Variants in TPSD1 observed in about 807,000 individuals in gnomAD.
The protein encoded by TPSD1 is tryptase delta.
Under a neutral mutation model 25.4 loss-of-function variants are expected in TPSD1, and 30 were observed. The ratio of observed to expected loss-of-function variants is 1.18; its 90% confidence interval spans 0.88 to 1.60. The LOEUF is 1.60. TPSD1 is among the 40% of genes most tolerant of loss of function. TPSD1 has a pLI of 0.00. For missense variants in TPSD1, 420 were observed against 324.2 expected, an observed-to-expected ratio of 1.30 and a Z score of -2.27; for synonymous variants, 176 against 149.4, an observed-to-expected ratio of 1.18 and a Z score of -1.30.
Position 1,256,930 on chromosome 16 carries a change from G to A in TPSD1, c.388G>A (p.Ala130Thr), listed in dbSNP as rs1278783845. ...CATCATCCAGACCGGGGCGGACATCGCCCTGCTGGAGCTGGAGGAGCCCGT... is the reference window on the plus strand; with the variant it reads ...CATCATCCAGACCGGGGCGGACATCACCCTGCTGGAGCTGGAGGAGCCCGT... ...FYIIQTGADI[A>T]LLELEEPVNI... Residue 130 changes from alanine (A) to threonine (T), a missense_variant, in exon 3 of 5, where the codon GCC becomes ACC. Transcript: ENST00000211076. 7 of 1,613,912 alleles carry A rather than the reference G, an allele frequency of 4.3e-6. No individual in the cohort carries two copies. Among genetic ancestry groups the A allele is most frequent in the African/African-American group, 2.7e-5 (2 of 75,070 alleles).
rs1200762126 is a variant in TPSD1 at position 1,257,079 on chromosome 16, G to C, written c.520+17G>C. 5 of 1,583,508 alleles carry C rather than the reference G, an allele frequency of 3.2e-6. No individual in the cohort carries two copies. Among genetic ancestry groups the C allele is most frequent in the African/African-American group, 1.3e-5 (1 of 74,534 alleles). On this transcript the variant is annotated intron_variant, in intron 3 of 4. Coordinates refer to ENST00000211076, the MANE Select transcript of TPSD1 (RefSeq NM_012217.3). The stretch of plus-strand genomic sequence containing the variant: ...ACAATAATGGTGGGTGTTGGGGACA[G>C]CGGGAGGCCGGGCCAGGTGGGCACC...
intron 3 of TPSD1, 196 bp from the exon 4 acceptor site, chr16:1,257,863 A>T (rs1025968951): frequency 3.1e-6 from 2 of 645,822 alleles, no homozygotes; most frequent in African/African-American, 1.8e-5. Flanking sequence ...GATGGGGCTT[A>T]AATGAGGCCA....
At position 1,258,042 on chromosome 16, in the gene TPSD1, C is replaced by G. The variant is rs778229136; in HGVS notation, c.521-17C>G. 1 of 1,561,372 alleles carries G rather than the reference C, an allele frequency of 6.4e-7. No homozygotes were observed. The highest frequency in any genetic ancestry group is 8.7e-7 in the Non-Finnish European group (1 of 1,153,804). Reference sequence around the variant, plus strand: ...AGCCGGCCCCAGACCCGGCTCCACGCCCCCCTCCGCCCCCAGTGCACCTGC... The same window carrying G: ...AGCCGGCCCCAGACCCGGCTCCACGGCCCCCTCCGCCCCCAGTGCACCTGC... On this transcript the variant is annotated splice_polypyrimidine_tract_variant and intron_variant, in intron 3 of 4. Coordinates refer to ENST00000211076, the MANE Select transcript of TPSD1 (RefSeq NM_012217.3).
chr16:1,257,626 T>C (rs2031003464), intron 3 of TPSD1, among the ~76,000 whole-genome samples: 1 of 152,220 alleles, frequency 6.6e-6, no homozygotes, highest in East Asian at 1.9e-4. Context: ...CTGTGACCTC[T>C]GGGTCACTCA....
rs2031010383 is a variant in TPSD1 at position 1,257,976 on chromosome 16, C to G, written c.521-83C>G. 2.1e-6 allele frequency: 3 copies of G among 1,441,226 alleles called. No homozygotes were observed. In the South Asian group the frequency reaches 3.9e-5, roughly 19 times the overall value. 89.3% of individuals were successfully genotyped at this position (1,441,226 alleles called of 1,614,324 possible). ...GCACTGGGCCCATGGTGCCATCTCC[C>G]CTGCCCGTGACTCTGCCACCAAGTC... On this transcript the variant is annotated intron_variant, in intron 3 of 4. Coordinates refer to ENST00000211076, the MANE Select transcript of TPSD1 (RefSeq NM_012217.3).
chr16:1,257,369 A>G, intron 3 of TPSD1: 1 of 470,706 alleles, frequency 2.1e-6, no homozygotes, highest in Non-Finnish European at 3.8e-6. Flanking sequence ...GTGGAGAGAG[A>G]AATCACACGG....
Position 1,258,176 on chromosome 16 carries a change from G to T in TPSD1, c.638G>T (p.Arg213Leu), listed in dbSNP as rs141781532. Residue 213 changes from arginine (R) to leucine (L), a missense_variant, in exon 4 of 5, where the codon CGC becomes CTC. By Grantham distance (102) the Arg-to-Leu change is moderately radical. Coordinates refer to ENST00000211076, the MANE Select transcript of TPSD1 (RefSeq NM_012217.3). ...ACGGGCCACAGCTTTCAAATCGTCC[G>T]CGATGACATGCTGTGTGCGGGGAGC... ...LHTGHSFQIVRDDMLCAGSEN... is the reference protein window; with the variant it reads ...LHTGHSFQIVLDDMLCAGSEN... The T allele has an allele frequency of 1.2e-6, 2 of 1,613,006 alleles. No homozygotes were observed. The highest frequency in any genetic ancestry group is 8.5e-7 in the Non-Finnish European group (1 of 1,179,878).
In TPSD1 at chr16:1,256,994, C is replaced by T. The variant is rs774742449; in HGVS notation, c.452C>T (p.Pro151Leu). 1.2e-6 allele frequency: 2 copies of T among 1,613,656 alleles called. No homozygotes were observed. The highest frequency in any genetic ancestry group is 1.1e-5 in the South Asian group (1 of 90,978). Reference protein sequence around the residue: ...SSHIHTVTLPPASETFPPGMP... With the variant: ...SSHIHTVTLPLASETFPPGMP... The stretch of plus-strand genomic sequence containing the variant: ...CACATCCACACGGTCACGCTGCCCC[C>T]TGCCTCGGAGACCTTCCCCCCGGGG... The change falls in exon 3 of 5, where the codon CCT becomes CTT. Residue 151 changes from proline (P) to leucine (L), a missense_variant. Pro to Leu is a moderately conservative substitution (Grantham distance 98). Coordinates refer to ENST00000211076, the MANE Select transcript of TPSD1 (RefSeq NM_012217.3).
rs775896766 is a variant in TPSD1 at position 1,256,355 on chromosome 16, G to C, written c.75G>C (p.Val25=). ...ALPVLASPAY[V]APAPGQALQQ... ...CCGTCCTGGCGAGCCCGGCCTACGT[G>C]GCCCCTGGTGAGTCCCAGCCGGGGT... is the stretch of plus-strand genomic sequence containing the variant. The change falls in exon 1 of 5, where the codon GTG becomes GTC. Residue 25 remains valine (V), a synonymous_variant. Coordinates refer to ENST00000211076, the MANE Select transcript of TPSD1 (RefSeq NM_012217.3). 1 of 1,612,870 alleles carries C rather than the reference G, an allele frequency of 6.2e-7. No individual in the cohort carries two copies. Among genetic ancestry groups the C allele is most frequent in the African/African-American group, 1.3e-5 (1 of 75,046 alleles).
Position 1,258,468 on chromosome 16 carries a change from T to G in TPSD1, c.*92T>G. 6.2e-7 allele frequency: 1 copy of G among 1,613,520 alleles called. No individual in the cohort carries two copies. The highest frequency in any genetic ancestry group is 1.7e-5 in the Admixed American group (1 of 60,010). The stretch of plus-strand genomic sequence containing the variant: ...CGTGTCACCTACTACTTGGACTGGA[T>G]CCACCACTATGTCCCCAAGAAGCCC... On this transcript the variant is annotated 3_prime_UTR_variant, in exon 5 of 5. Coordinates refer to ENST00000211076, the MANE Select transcript of TPSD1 (RefSeq NM_012217.3).
Position 1,258,178 on chromosome 16 carries a change from G to T in TPSD1, c.640G>T (p.Asp214Tyr). ...HTGHSFQIVR[D>Y]DMLCAGSENH... is the part of the protein sequence containing the mutation. ...GGGCCACAGCTTTCAAATCGTCCGC[G>T]ATGACATGCTGTGTGCGGGGAGCGA... Residue 214 changes from aspartate to tyrosine, a missense_variant, in exon 4 of 5, where the codon GAT (aspartate) becomes TAT (tyrosine). Physicochemically the swap from Asp to Tyr is radical, Grantham distance 160. Transcript: ENST00000211076. 1 of 1,613,100 alleles carries T rather than the reference G, an allele frequency of 6.2e-7. No individual in the cohort carries two copies.
Position 1,258,452 on chromosome 16 carries a change from T to G in TPSD1, c.*76T>G. 1 of 1,613,660 alleles carries G rather than the reference T, an allele frequency of 6.2e-7. No homozygotes were observed. The highest frequency in any genetic ancestry group is 8.5e-7 in the Non-Finnish European group (1 of 1,179,848). On this transcript the variant is annotated 3_prime_UTR_variant, in exon 5 of 5. Coordinates refer to ENST00000211076, the MANE Select transcript of TPSD1 (RefSeq NM_012217.3). ...GCCTGGCATCTACACCCGTGTCACCTACTACTTGGACTGGATCCACCACTA... is the reference window on the plus strand; with the variant it reads ...GCCTGGCATCTACACCCGTGTCACCGACTACTTGGACTGGATCCACCACTA...
rs1435928723 is a variant in TPSD1, at chr16:1,258,917, C to CT, written c.*541_*542insT. 8.0e-6 allele frequency: 1 copy of CT among 125,118 alleles called. No homozygotes were observed. The highest frequency in any genetic ancestry group is 3.0e-5 in the African/African-American group (1 of 33,452). 7.8% of individuals were successfully genotyped at this position (125,118 alleles called of 1,614,324 possible). On this transcript the variant is annotated 3_prime_UTR_variant, in exon 5 of 5. Transcript: ENST00000211076. ...TCCCCAACCCTGAATCCGCCCCTCC[C>CT]GGCCCCTCCGGCCCTCCCCTGCCCA... is the stretch of plus-strand genomic sequence containing the variant.
At position 1,258,209 on chromosome 16, in the gene TPSD1, A is replaced by G. The variant is rs199972980; in HGVS notation, c.671A>G (p.His224Arg). The part of the protein sequence containing the change: ...DDMLCAGSEN[H>R]DSCQGDSGGP... ...ATGCTGTGTGCGGGGAGCGAAAATCACGACTCCTGCCAGGTGGGCCCTCGC... is the reference window on the plus strand; with the variant it reads ...ATGCTGTGTGCGGGGAGCGAAAATCGCGACTCCTGCCAGGTGGGCCCTCGC... Residue 224 changes from histidine (H) to arginine (R), a missense_variant, in exon 4 of 5, where the codon CAC becomes CGC. Physicochemically the swap from His to Arg is conservative, Grantham distance 29. Coordinates refer to ENST00000211076, the MANE Select transcript of TPSD1 (RefSeq NM_012217.3). 25 of 1,611,242 alleles carry G rather than the reference A, an allele frequency of 1.6e-5. No homozygotes were observed. The Admixed American group carries it at 1.7e-4, about 11-fold the overall frequency.
intron 3 of TPSD1, 193 bp downstream of exon 3, chr16:1,257,255 G>A (rs957282309): frequency 6.7e-5 from 50 of 748,404 alleles, no homozygotes; most frequent in South Asian, 4.0e-4. Context: ...GGGCCTGGGC[G>A]TCCCCCACCC....
At position 1,256,370 on chromosome 16, in the gene TPSD1, C is replaced by A. The variant is rs756340139; in HGVS notation, c.82+8C>A. ...CGGCCTACGTGGCCCCTGGTGAGTC[C>A]CAGCCGGGGTCCACCCTGCCCCTCA... is the stretch of plus-strand genomic sequence containing the variant. On this transcript the variant is annotated splice_region_variant and intron_variant, in intron 1 of 4. Transcript: ENST00000211076. The A allele has an allele frequency of 6.2e-7, 1 of 1,612,728 alleles. No homozygotes were observed. The highest frequency in any genetic ancestry group is 1.3e-5 in the African/African-American group (1 of 75,044).
In TPSD1 at chr16:1,258,317, C is replaced by A. The variant is rs755915136; in HGVS notation, c.685-15C>A. The stretch of plus-strand genomic sequence containing the variant: ...CGAAGCCTGGCCAGCGAGCACTGAC[C>A]TCTGACCTTCCCAGGGTGACTCTGG... On this transcript the variant is annotated splice_polypyrimidine_tract_variant and intron_variant, in intron 4 of 4. Transcript: ENST00000211076. The A allele has an allele frequency of 9.3e-6, 15 of 1,613,384 alleles. 1 individual carries two copies. The South Asian group carries it at 1.6e-4, about 18-fold the overall frequency.
At chr16:1,257,218 G>A in intron 3 of TPSD1, 156 bp downstream of exon 3, 1 of 1,090,048 alleles carries the variant, frequency 9.2e-7, no homozygotes. Flanking sequence ...GGCAGCAGGT[G>A]CCCTGAGCAG....
chr16:1,257,946 G>A (rs922590177), intron 3 of TPSD1, 113 bp from the exon 4 acceptor site: 15 of 1,202,662 alleles, frequency 1.2e-5, no homozygotes, highest in Middle Eastern at 2.8e-4. Context: ...TGCAGGCACA[G>A]AACAGCACTG....
Sources: allele counts gnomAD v4.1 joint callset (sites outside exome capture counted in the v4.1 genomes callset), GRCh38; gene constraint gnomAD v4.1.1; transcripts MANE v1.5; gene names NCBI Gene and HGNC (gene_info 2026-07-23, HGNC 2026-07-21).